The following SORCS1 variants were observed in gnomAD, a reference collection of about 807,000 sequenced individuals.
The protein encoded by SORCS1 is VPS10 domain-containing receptor SorCS1.
A neutral mutation model predicts 146.1 loss-of-function variants in SORCS1; 60 were observed. The ratio of observed to expected loss-of-function variants is 0.41; its 90% CI spans 0.33 to 0.51. The LOEUF (loss-of-function observed/expected upper bound fraction) is 0.51. SORCS1 is among the 20% of genes least tolerant of loss of function. The pLI is 0.21. For missense variants in SORCS1, 1,352 were observed against 1,487.6 expected, an observed-to-expected ratio of 0.91 and a Z score of 1.50; for synonymous variants, 637 against 584.0, an observed-to-expected ratio of 1.09 and a Z score of -1.31.
intron 5 of SORCS1, among the ~76,000 whole-genome samples, chr10:106,730,800 T>C (rs192778197): frequency 6.6e-6 from 1 of 152,322 alleles, no homozygotes; most frequent in Non-Finnish European, 1.5e-5. Flanking sequence ...ATAAATAATA[T>C]GGGCAATCAC....
intron 18 of SORCS1, among the ~76,000 whole-genome samples, chr10:106,637,008 T>C (rs891009343): frequency 1.3e-5 from 2 of 152,220 alleles, no homozygotes; most frequent in African/African-American, 4.8e-5. Context: ...ATGATCCCAG[T>C]GTAATATGCC....
intron 18 of SORCS1, among the ~76,000 whole-genome samples, chr10:106,645,864 C>A: frequency 6.6e-6 from 1 of 151,816 alleles, no homozygotes; most frequent in Non-Finnish European, 1.5e-5. Flanking sequence ...TTATTGAAAA[C>A]GTATTATTAT....
rs1844473957 is a variant in SORCS1 at position 106,573,890 on chromosome 10, A to T, written c.*3530T>A. The T allele has an allele frequency of 1.3e-5, 2 of 152,506 alleles. No individual in the cohort carries two copies. The highest frequency in any genetic ancestry group is 4.1e-4 in the South Asian group (2 of 4,824). 9.4% of individuals were successfully genotyped at this position (152,506 alleles called of 1,614,324 possible). On this transcript the variant is annotated 3_prime_UTR_variant, in exon 26 of 26. Transcript: ENST00000263054. ...AGGGTTTAGGATTAAAAAAAAAAAT[A>T]CCTGAGGCAAAGACTTTAGAGACAT... is the stretch of plus-strand genomic sequence containing the variant.
At chr10:106,800,997 T>C (rs1352070402) in intron 3 of SORCS1, among the ~76,000 whole-genome samples, 3 of 152,214 alleles carry the variant, frequency 2.0e-5, no homozygotes, top group Admixed American at 2.0e-4. Context: ...TGTATCTCCT[T>C]TTCCAGACTG....
intron 23 of SORCS1, among the ~76,000 whole-genome samples, chr10:106,602,536 C>CACACACAG (rs1554875444): frequency 4.0e-4 from 60 of 151,294 alleles, no homozygotes; most frequent in African/African-American, 1.4e-3. Context: ...CACACACACA[C>CACACACAG]ACACACACAC....
intron 1 of SORCS1, among the ~76,000 whole-genome samples, chr10:107,107,415 T>C (rs1478259719): frequency 1.3e-5 from 2 of 152,174 alleles, no homozygotes; most frequent in Middle Eastern, 3.2e-3. Flanking sequence ...CTTGGATGAA[T>C]GGATTTTGTG....
chr10:106,799,306 G>C (rs1211216976), intron 3 of SORCS1, among the ~76,000 whole-genome samples: 1 of 152,174 alleles, frequency 6.6e-6, no homozygotes, highest in African/African-American at 2.4e-5. Flanking sequence ...ATACCATTCA[G>C]GACCTAGGCA....
intron 1 of SORCS1, among the ~76,000 whole-genome samples, chr10:106,976,132 C>CAAAA (rs765709439): frequency 1.2e-5 from 1 of 83,872 alleles, no homozygotes; most frequent in African/African-American, 5.1e-5. Flanking sequence ...GACTCTGTCT[C>CAAAA]AAAAAAAAAA....
intron 1 of SORCS1, among the ~76,000 whole-genome samples, chr10:107,131,837 T>G (rs1277581139): frequency 6.6e-6 from 1 of 152,200 alleles, no homozygotes; most frequent in Non-Finnish European, 1.5e-5. Context: ...TTATCGTCAA[T>G]CCACTTTACA....
At chr10:107,052,768 A>C (rs1246295375) in intron 1 of SORCS1, among the ~76,000 whole-genome samples, 2 of 152,062 alleles carry the variant, frequency 1.3e-5, no homozygotes, top group Non-Finnish European at 2.9e-5. Flanking sequence ...CTATAATGGG[A>C]ATTTTTTTTC....
chr10:107,174,400 G>A, the SORCS1 span, among the ~76,000 whole-genome samples: 1 of 151,978 alleles, frequency 6.6e-6, no homozygotes, highest in Non-Finnish European at 1.5e-5. Context: ...AGTAGAGATG[G>A]GGTTTCACCG....
At chr10:106,989,193 C>T in intron 1 of SORCS1, among the ~76,000 whole-genome samples, 1 of 148,316 alleles carries the variant, frequency 6.7e-6, no homozygotes, top group Non-Finnish European at 1.5e-5. Flanking sequence ...TCGCTTGAAC[C>T]CAGGAGGCAG....
At chr10:107,102,282 A>G (rs1964979724) in intron 1 of SORCS1, among the ~76,000 whole-genome samples, 1 of 152,164 alleles carries the variant, frequency 6.6e-6, no homozygotes, top group Non-Finnish European at 1.5e-5. Context: ...GATTTAATGT[A>G]TGGGAAGGAA....
At chr10:106,598,530 G>C (rs1293904958) in intron 23 of SORCS1, among the ~76,000 whole-genome samples, 2 of 151,940 alleles carry the variant, frequency 1.3e-5, no homozygotes, top group Admixed American at 6.6e-5. Flanking sequence ...GAAGTGCTAG[G>C]ATTACAGGCA....
the SORCS1 span, among the ~76,000 whole-genome samples, chr10:107,173,920 A>G: frequency 6.6e-6 from 1 of 152,214 alleles, no homozygotes; most frequent in Non-Finnish European, 1.5e-5. Flanking sequence ...TTGTGCTAAC[A>G]AAGCACTTCT....
chr10:107,082,460 C>T (rs912510880), intron 1 of SORCS1, among the ~76,000 whole-genome samples: 2 of 151,910 alleles, frequency 1.3e-5, no homozygotes, highest in East Asian at 1.9e-4. Context: ...TGGTGCTTCT[C>T]CTTTCTTTTT....
intron 23 of SORCS1, among the ~76,000 whole-genome samples, chr10:106,601,025 T>C (rs566530159): frequency 1.3e-5 from 2 of 152,312 alleles, no homozygotes; most frequent in Non-Finnish European, 2.9e-5. Context: ...GGGGATTTCC[T>C]AACACCATCC....
In SORCS1 at chr10:107,057,170, T is replaced by C. The variant is rs1199882854; in HGVS notation, c.559-100590A>G. On this transcript the variant is annotated intron_variant, in intron 1 of 25. Transcript: ENST00000263054. ...TAGAAAAGAATGAGATCAGCACTGTTGATTCTTAAATCATCAGTGGATAAC... is the reference window on the plus strand; with the variant it reads ...TAGAAAAGAATGAGATCAGCACTGTCGATTCTTAAATCATCAGTGGATAAC... 2.0e-5 allele frequency among the ~76,000 whole-genome samples: 3 copies of C among 152,198 alleles called. No homozygotes were observed. In the East Asian group the frequency reaches 5.8e-4, roughly 29 times the overall value.
intron 2 of SORCS1, among the ~76,000 whole-genome samples, chr10:106,862,023 G>GT (rs1437974833): frequency 6.6e-6 from 1 of 152,076 alleles, no homozygotes. Context: ...GTTACCTTTA[G>GT]TTTTCCAAAG....
Sources: gnomAD v4.1 joint callset for allele counts (sites outside exome capture counted in the v4.1 genomes callset) on GRCh38, gnomAD v4.1.1 for gene constraint, MANE v1.5 for transcripts, NCBI Gene and HGNC (gene_info 2026-07-23, HGNC 2026-07-21) for gene names.